Variants in RAP1GAP2 observed in about 807,000 individuals in gnomAD.
RAP1GAP2 encodes the protein RAP1 GTPase activating protein 2, also known as rap1 GTPase-activating protein 2.
Under a neutral mutation model 95.0 loss-of-function variants are expected in RAP1GAP2, and 27 were observed. That is an observed-to-expected ratio of 0.28 (90% CI 0.21 to 0.39). RAP1GAP2 has a LOEUF of 0.39. Among genes scored for constraint, RAP1GAP2 ranks in the 10% least tolerant of loss-of-function variants. The pLI is 1.00. For synonymous variants in RAP1GAP2, 373 were observed against 380.9 expected, an observed-to-expected ratio of 0.98 and a Z score of 0.24; for missense variants, 771 against 970.0, an observed-to-expected ratio of 0.79 and a Z score of 2.72.
intron 2 of RAP1GAP2, among the ~76,000 whole-genome samples, chr17:2,818,493 T>C (rs1304405675): frequency 6.6e-6 from 1 of 151,814 alleles, no homozygotes; most frequent in East Asian, 1.9e-4. Context: ...CCGGCTAATT[T>C]TTGTATTTTT....
At chr17:2,882,008 G>C (rs1446105489) in intron 2 of RAP1GAP2, among the ~76,000 whole-genome samples, 1 of 151,428 alleles carries the variant, frequency 6.6e-6, no homozygotes, top group Non-Finnish European at 1.5e-5. Flanking sequence ...TTTTAGTAGA[G>C]GTGGGGTTTC....
At chr17:2,908,470 G>T (rs1162432951) in intron 3 of RAP1GAP2, among the ~76,000 whole-genome samples, 2 of 152,180 alleles carry the variant, frequency 1.3e-5, no homozygotes, top group Non-Finnish European at 2.9e-5. Context: ...GAGGGGATGA[G>T]CTGAGGCTGC....
chr17:3,015,615 A>G (rs1417268607), intron 17 of RAP1GAP2, among the ~76,000 whole-genome samples: 1 of 151,960 alleles, frequency 6.6e-6, no homozygotes, highest in Non-Finnish European at 1.5e-5. Context: ...TCAGGAGTTC[A>G]AGACCAGCCT....
intron 2 of RAP1GAP2, among the ~76,000 whole-genome samples, chr17:2,852,830 C>A (rs1252231430): frequency 1.3e-5 from 2 of 152,102 alleles, no homozygotes; most frequent in African/African-American, 4.8e-5. Context: ...AGGCCCCGCG[C>A]CGATGGTAGG....
At chr17:2,878,973 C>A (rs2073191987) in intron 2 of RAP1GAP2, among the ~76,000 whole-genome samples, 1 of 152,188 alleles carries the variant, frequency 6.6e-6, no homozygotes, top group African/African-American at 2.4e-5. Flanking sequence ...ACATGCTGAG[C>A]CCGGAGGCCG....
chr17:2,908,279 G>A (rs965126063), intron 3 of RAP1GAP2, among the ~76,000 whole-genome samples: 1 of 152,178 alleles, frequency 6.6e-6, no homozygotes, highest in Non-Finnish European at 1.5e-5. Context: ...TGTTGGAGAG[G>A]CTGGGCATGC....
chr17:2,834,036 C>T (rs940645646), intron 2 of RAP1GAP2, among the ~76,000 whole-genome samples: 3 of 152,164 alleles, frequency 2.0e-5, no homozygotes, highest in African/African-American at 7.2e-5. Flanking sequence ...CTCTCGGCCT[C>T]TGAAGTTCCT....
At chr17:3,021,165 C>A (rs1431250896) in intron 19 of RAP1GAP2, among the ~76,000 whole-genome samples, 1 of 152,142 alleles carries the variant, frequency 6.6e-6, no homozygotes, top group African/African-American at 2.4e-5. Flanking sequence ...AAACATTGAT[C>A]TTTTGAGTTA....
rs1245321744 is a variant in RAP1GAP2 at position 2,797,676 on chromosome 17, C to G, written c.44+1105C>G. On this transcript the variant is annotated intron_variant, in intron 1 of 24. Transcript: ENST00000254695. This position sits in a 1 kb window ranked among gnomAD's most constrained non-coding sequence, Gnocchi z 5.6. ...CTGGCAGGGGGGGACTGTGGGCACT[C>G]CATGTTTGGCAGATGGGATGGTGCG... The G allele has an allele frequency of 1.0e-6, 1 of 985,238 alleles. No homozygotes were observed. Among genetic ancestry groups the G allele is most frequent in the African/African-American group, 1.7e-5 (1 of 57,354 alleles). 61.0% of individuals were successfully genotyped at this position (985,238 alleles called of 1,614,324 possible). A position where few individuals can be genotyped will look rare whatever the true frequency, so the allele number is the denominator to read the frequency against.
intron 2 of RAP1GAP2, among the ~76,000 whole-genome samples, chr17:2,880,926 A>G (rs1229780718): frequency 3.3e-5 from 5 of 152,144 alleles, no homozygotes; most frequent in African/African-American, 1.2e-4. Flanking sequence ...CAGGAGTTCG[A>G]GACCAGCCTG....
At chr17:2,885,935 G>A (rs1225258118) in intron 2 of RAP1GAP2, among the ~76,000 whole-genome samples, 1 of 152,174 alleles carries the variant, frequency 6.6e-6, no homozygotes, top group Non-Finnish European at 1.5e-5. Flanking sequence ...TGATTCGGCA[G>A]GAAGGCCGAA....
rs71377567 is a variant in RAP1GAP2, at chr17:3,012,605, CAAAAAAAAAAAA to C, written c.1494+4475_1494+4486del. Among the ~76,000 whole-genome samples, 4 of 69,688 alleles carry C rather than the reference CAAAAAAAAAAAA, an allele frequency of 5.7e-5. 1 individual carries two copies. The highest frequency in any genetic ancestry group is 2.4e-4 in the African/African-American group (4 of 16,826). 45.7% of individuals were successfully genotyped at this position (69,688 alleles called of 152,430 possible). On this transcript the variant is annotated intron_variant, in intron 17 of 24. Coordinates refer to ENST00000254695, the MANE Select transcript of RAP1GAP2 (RefSeq NM_015085.5). The stretch of plus-strand genomic sequence containing the variant: ...TGCACAGCAGATCCAGACTGTGTCT[CAAAAAAAAAAAA>C]AAAAAAAAAAAAAACAAACCTAAAG...
At chr17:2,784,373 C>T (rs891010288) in intron 1 of RAP1GAP2, among the ~76,000 whole-genome samples, 8 of 151,702 alleles carry the variant, frequency 5.3e-5, no homozygotes, top group African/African-American at 1.2e-4. Context: ...CGGACTCAAG[C>T]GATTCTCCTG....
chr17:2,839,318 A>T (rs12946760), intron 2 of RAP1GAP2, among the ~76,000 whole-genome samples: 67,013 of 151,628 alleles, frequency 0.44, 15,408 homozygotes, highest in Admixed American at 0.55. Flanking sequence ...TTAATAATAA[A>T]AAAAAAAAGA....
intron 2 of RAP1GAP2, among the ~76,000 whole-genome samples, chr17:2,882,119 C>CTT (rs1182195871): frequency 0.21 from 27,072 of 131,364 alleles, 2,767 homozygotes; most frequent in African/African-American, 0.24. Context: ...TGTGCCTGGC[C>CTT]TTTTTTTTTT....
intron 2 of RAP1GAP2, among the ~76,000 whole-genome samples, chr17:2,860,459 G>A (rs1448878381): frequency 6.6e-6 from 1 of 151,928 alleles, no homozygotes; most frequent in Admixed American, 6.6e-5. Flanking sequence ...TTAATCTCCT[G>A]CTTGGTCTCC....
intron 2 of RAP1GAP2, among the ~76,000 whole-genome samples, chr17:2,821,025 G>A (rs1440583928): frequency 1.3e-5 from 2 of 150,378 alleles, no homozygotes; most frequent in African/African-American, 2.4e-5. Flanking sequence ...ATGAGCCACC[G>A]CGTCCTGCCT....
chr17:2,953,714 G>A (rs1421085625), intron 3 of RAP1GAP2, among the ~76,000 whole-genome samples: 1 of 152,116 alleles, frequency 6.6e-6, no homozygotes, highest in Non-Finnish European at 1.5e-5. Flanking sequence ...GGGCATGGGG[G>A]CGCATGCCTG....
Position 2,840,547 on chromosome 17 carries a change from CTA to C in RAP1GAP2, c.80+39999_80+40000del, listed in dbSNP as rs544030314. Among the ~76,000 whole-genome samples, 121 of 152,142 alleles carry C rather than the reference CTA, an allele frequency of 8.0e-4. 1 individual carries two copies. The highest frequency in any genetic ancestry group is 1.2e-3 in the Non-Finnish European group (82 of 67,968). ...ATATTTTCTTTCTTTTCTTTTTTCG[CTA>C]TGTTTCCCAGGCTGGGCTCAAACTC... On this transcript the variant is annotated intron_variant, in intron 2 of 24. Transcript: ENST00000254695.
Sources: allele counts gnomAD v4.1 joint callset (sites outside exome capture counted in the v4.1 genomes callset), GRCh38; gene constraint gnomAD v4.1.1; non-coding constraint Gnocchi (gnomAD v3.1); transcripts MANE v1.5; gene names NCBI Gene and HGNC (gene_info 2026-07-23, HGNC 2026-07-21).